Variants in ATAD2B observed in about 807,000 individuals in gnomAD.
The protein encoded by ATAD2B is ATPase family AAA domain containing 2B.
ATAD2B carries 40 observed loss-of-function variants against 167.6 expected under a neutral mutation model. The observed-to-expected ratio is 0.24, with a 90% CI of 0.19 to 0.31. ATAD2B has a LOEUF of 0.31. ATAD2B is among the 10% of genes least tolerant of loss of function. The probability of loss-of-function intolerance (pLI) is 1.00; values close to 1 mark genes in which losing one functional copy is unlikely to be tolerated. For missense variants in ATAD2B, 1,242 were observed against 1,757.2 expected, an observed-to-expected ratio of 0.71 and a Z score of 5.24; for synonymous variants, 579 against 596.5, an observed-to-expected ratio of 0.97 and a Z score of 0.43.
chr2:23,885,342 T>C (rs1262331232), intron 5 of ATAD2B, among the ~76,000 whole-genome samples: 1 of 152,152 alleles, frequency 6.6e-6, no homozygotes, highest in East Asian at 1.9e-4. Flanking sequence ...GTAAAAGTTA[T>C]AGGAATAAGA....
At chr2:23,712,983 G>A in the ATAD2B span, among the ~76,000 whole-genome samples, 2 of 152,182 alleles carry the variant, frequency 1.3e-5, no homozygotes, top group Non-Finnish European at 2.9e-5. Flanking sequence ...TGCAGCACCA[G>A]CCAGATTACC....
chr2:23,926,327 G>C lies in ATAD2B; in HGVS notation c.216+228C>G, dbSNP rs562246181. Among the ~76,000 whole-genome samples the C allele has an allele frequency of 5.9e-5, 9 of 152,332 alleles. No individual in the cohort carries two copies. In the East Asian group the frequency reaches 1.5e-3, roughly 26 times the overall value. On this transcript the variant is annotated intron_variant, in intron 1 of 27. Transcript: ENST00000238789. ...GGGACCCCCAAAGCCCTCTCCCCTGGACTCAAGGGCTGTTCTTCACACAAA... is the reference window on the plus strand; with the variant it reads ...GGGACCCCCAAAGCCCTCTCCCCTGCACTCAAGGGCTGTTCTTCACACAAA...
chr2:23,857,757 T>TC, intron 12 of ATAD2B, among the ~76,000 whole-genome samples: 1 of 150,720 alleles, frequency 6.6e-6, no homozygotes, highest in Non-Finnish European at 1.5e-5. Flanking sequence ...TTTTTTTTTT[T>TC]TTGAGACGGA....
At chr2:23,898,225 G>A (rs1700371829) in intron 1 of ATAD2B, among the ~76,000 whole-genome samples, 1 of 152,168 alleles carries the variant, frequency 6.6e-6, no homozygotes, top group African/African-American at 2.4e-5. Context: ...TTATAGGTGG[G>A]AGGCACCACA....
intron 1 of ATAD2B, among the ~76,000 whole-genome samples, chr2:23,903,942 G>GT (rs1701147496): frequency 6.6e-6 from 1 of 151,400 alleles, no homozygotes; most frequent in East Asian, 1.9e-4. Flanking sequence ...GTTGTTGTTG[G>GT]TGGTGGTGGT....
rs780511667 is a variant in ATAD2B at position 23,895,810 on chromosome 2, C to T, written c.368+9G>A. 4 of 1,585,240 alleles carry T rather than the reference C, an allele frequency of 2.5e-6. No individual in the cohort carries two copies. Among genetic ancestry groups the T allele is most frequent in the East Asian group, 2.3e-5 (1 of 43,566 alleles). On this transcript the variant is annotated intron_variant, in intron 2 of 27. Coordinates refer to ENST00000238789, the MANE Select transcript of ATAD2B (RefSeq NM_017552.4). ...AAGAAAAAACAATCAATGAGTTCTC[C>T]TTTCTCACCTGGCCTGTCCAGTTGA... is the stretch of plus-strand genomic sequence containing the variant.
At chr2:23,745,356 GGAAGGAAGGAAA>G (rs1338959002), downstream of ATAD2B, among the ~76,000 whole-genome samples, 86 of 119,498 alleles carry the variant, frequency 7.2e-4, no homozygotes, top group African/African-American at 2.6e-3. Flanking sequence ...AGGGATGGAA[GGAAGGAAGGAAA>G]GAAGGAAGGA....
At chr2:23,788,738 T>C in intron 19 of ATAD2B, 91 bp from the exon 20 acceptor site, 1 of 1,078,630 alleles carries the variant, frequency 9.3e-7, no homozygotes. Context: ...CATCTTCCAG[T>C]ATCATGTTCA....
intron 1 of ATAD2B, among the ~76,000 whole-genome samples, chr2:23,905,696 T>A (rs1049784896): frequency 8.5e-5 from 13 of 152,250 alleles, no homozygotes; most frequent in African/African-American, 3.1e-4. Context: ...TGCCTCACAG[T>A]AGATACAATC....
chr2:23,736,264 T>C, the ATAD2B span, among the ~76,000 whole-genome samples: 1 of 152,184 alleles, frequency 6.6e-6, no homozygotes, highest in Admixed American at 6.5e-5. Flanking sequence ...ATTCTTCCCT[T>C]GGGTTGGTTT....
chr2:23,814,213 G>A (rs1208063628), intron 17 of ATAD2B, among the ~76,000 whole-genome samples: 1 of 152,140 alleles, frequency 6.6e-6, no homozygotes, highest in Non-Finnish European at 1.5e-5. Context: ...GGCAAAGGAC[G>A]TAAAACAAGA....
At chr2:23,877,805 A>AGCCAACAGCACCACTGCACTCC (rs1697136431) in intron 7 of ATAD2B, among the ~76,000 whole-genome samples, 1 of 149,454 alleles carries the variant, frequency 6.7e-6, no homozygotes, top group African/African-American at 2.5e-5. Flanking sequence ...AGCTGCAGTG[A>AGCCAACAGCACCACTGCACTCC]GCCAACAGCA....
At chr2:23,826,154 G>A (rs1688219768) in intron 15 of ATAD2B, among the ~76,000 whole-genome samples, 1 of 152,010 alleles carries the variant, frequency 6.6e-6, no homozygotes, top group African/African-American at 2.4e-5. Context: ...AATCTCTGGG[G>A]GCTTGAAATC....
chr2:23,772,769 C>T (rs973720909), intron 22 of ATAD2B, among the ~76,000 whole-genome samples: 1 of 152,160 alleles, frequency 6.6e-6, no homozygotes, highest in African/African-American at 2.4e-5. Context: ...CTCACTCTGT[C>T]ACCCAAGCTA....
intron 15 of ATAD2B, among the ~76,000 whole-genome samples, chr2:23,824,984 G>A (rs1244392373): frequency 2.6e-5 from 4 of 152,060 alleles, no homozygotes; most frequent in African/African-American, 9.7e-5. Flanking sequence ...TCGCTCTGTT[G>A]CCCAGGCTGA....
At chr2:23,684,944 C>T in the ATAD2B span, among the ~76,000 whole-genome samples, 1 of 152,228 alleles carries the variant, frequency 6.6e-6, no homozygotes, top group Non-Finnish European at 1.5e-5. The surrounding 1 kb of genome is among the most constrained non-coding windows in gnomAD (Gnocchi z 4.4). Flanking sequence ...CCAGTGCCAT[C>T]GTCCCTGCTG....
the ATAD2B span, among the ~76,000 whole-genome samples, chr2:23,732,472 T>G: frequency 6.6e-6 from 1 of 152,336 alleles, no homozygotes. Context: ...GCAGCACTTT[T>G]GGATTGTCTA....
At chr2:23,694,851 T>C in the ATAD2B span, among the ~76,000 whole-genome samples, 114,945 of 151,962 alleles carry the variant, frequency 0.76, 45,125 homozygotes, top group East Asian at 1. Flanking sequence ...AAACCCTCAC[T>C]AGACACTCCT....
At chr2:23,896,979 A>T (rs779837384) in intron 1 of ATAD2B, among the ~76,000 whole-genome samples, 3 of 152,160 alleles carry the variant, frequency 2.0e-5, no homozygotes, top group African/African-American at 7.2e-5. Flanking sequence ...ATATTTTTTT[A>T]AAAAGCCAGG....
Sources: gnomAD v4.1 joint callset for allele counts (sites outside exome capture counted in the v4.1 genomes callset) on GRCh38, gnomAD v4.1.1 for gene constraint, Gnocchi (gnomAD v3.1) non-coding constraint, MANE v1.5 for transcripts, NCBI Gene and HGNC (gene_info 2026-07-23, HGNC 2026-07-21) for gene names.